The following AP3D1 variants were observed in gnomAD, a reference collection of about 807,000 sequenced individuals.
AP3D1 encodes the protein AP-3 complex subunit delta-1.
Under a neutral mutation model 147.6 loss-of-function variants are expected in AP3D1, and 51 were observed. That is an observed-to-expected ratio of 0.35 (90% CI 0.28 to 0.44). The LOEUF is 0.44. Among genes scored for constraint, AP3D1 ranks in the 20% least tolerant of loss-of-function variants. AP3D1 has a pLI of 1.00. For synonymous variants in AP3D1, 760 were observed against 663.0 expected, an observed-to-expected ratio of 1.15 and a Z score of -2.25; for missense variants, 1,421 against 1,624.2, an observed-to-expected ratio of 0.87 and a Z score of 2.15.
chr19:2,125,797 T>C (rs923504920), intron 9 of AP3D1, among the ~76,000 whole-genome samples: 5 of 151,300 alleles, frequency 3.3e-5, no homozygotes, highest in Non-Finnish European at 7.4e-5. Flanking sequence ...CTTAAAAATA[T>C]ACCATTTTTA....
rs561845986 is a variant in AP3D1, at chr19:2,161,903, C to G, written c.-103+2453G>C. On this transcript the variant is annotated intron_variant, in intron 1 of 14. Coordinates refer to the AP3D1 transcript ENST00000643010. ...GGCGCTGGTTGTAGTGACTGGAGAT[C>G]CCAGTCACTACTCCAGCCTAGGCGA... 5.3e-5 allele frequency among the ~76,000 whole-genome samples: 8 copies of G among 151,688 alleles called. No individual in the cohort carries two copies. The South Asian group carries it at 6.3e-4, about 12-fold the overall frequency.
chr19:2,111,187 A>G, intron 26 of AP3D1, 98 bp downstream of exon 26: 2 of 1,468,804 alleles, frequency 1.4e-6, no homozygotes, highest in Admixed American at 3.6e-5. Flanking sequence ...TGGGTATACC[A>G]ACATCCGGGA....
chr19:2,119,007 A>G (rs1157178312), intron 14 of AP3D1, among the ~76,000 whole-genome samples, 175 bp from the exon 15 acceptor site: 1 of 152,246 alleles, frequency 6.6e-6, no homozygotes, highest in Admixed American at 6.5e-5. Context: ...CAGGCCGTCA[A>G]CAGCCCGTAA....
chr19:2,120,406 C>A (rs983196283), intron 14 of AP3D1, among the ~76,000 whole-genome samples: 4 of 151,966 alleles, frequency 2.6e-5, no homozygotes, highest in Non-Finnish European at 5.9e-5. Flanking sequence ...AGGGGCCTGG[C>A]GCAGGCAGGC....
In AP3D1 at chr19:2,130,368, C is replaced by A. The variant is rs1267894980; in HGVS notation, c.592+40G>T. On this transcript the variant is annotated intron_variant, in intron 6 of 31. Coordinates refer to ENST00000643116, the MANE Select transcript of AP3D1 (RefSeq NM_001261826.3). Reference sequence around the variant, plus strand: ...CCTCTTCCCAGGGCACCGGCTGAGCCCCCACCCTCAACCCTGAGGCTTAAC... The same window carrying A: ...CCTCTTCCCAGGGCACCGGCTGAGCACCCACCCTCAACCCTGAGGCTTAAC... 1.9e-6 allele frequency: 3 copies of A among 1,612,640 alleles called. No homozygotes were observed. The South Asian group carries it at 3.3e-5, about 18-fold the overall frequency.
At chr19:2,148,922 G>C (rs1037414633) in intron 1 of AP3D1, among the ~76,000 whole-genome samples, 1 of 152,192 alleles carries the variant, frequency 6.6e-6, no homozygotes, top group Non-Finnish European at 1.5e-5. Context: ...TCTTTGTTCC[G>C]GGTGCAGTGG....
rs555924373 is a variant in AP3D1, at chr19:2,111,916, C to G, written c.2788-88G>C. 951 of 1,588,428 alleles carry G rather than the reference C, an allele frequency of 6.0e-4. 7 individuals carry two copies. The African/African-American group carries it at 9.4e-3, about 16-fold the overall frequency. ...TGAGGTCAGGATCACAGCAGGGCTG[C>G]TCAGGCTGAGGGTCCCACGTGCCTG... On this transcript the variant is annotated intron_variant, in intron 24 of 31. Transcript: ENST00000643116.
intron 14 of AP3D1, among the ~76,000 whole-genome samples, chr19:2,119,457 G>T (rs552763922): frequency 6.6e-6 from 1 of 152,038 alleles, no homozygotes; most frequent in Non-Finnish European, 1.5e-5. Flanking sequence ...ACTTTGGGAC[G>T]CCGAGGCGGG....
chr19:2,133,301 A>C (rs2018996654), intron 4 of AP3D1: 1 of 152,182 alleles, frequency 6.6e-6, no homozygotes, highest in Non-Finnish European at 1.5e-5. Flanking sequence ...ACTCTGCCCC[A>C]GCTCTTCACT....
Position 2,114,278 on chromosome 19 carries a change from C to T in AP3D1, c.2448G>A (p.Leu816=). ...CGGTGTTTCTGTGTTTCTGAATAGG[C>T]AGTTTCTCGCTGTCGGCTAAGGGCC... ...LDKPLADSEK[L]PIQKHRNTET... Residue 816 remains leucine, a synonymous_variant, in exon 22 of 32, where the codon CTG becomes CTA. Coordinates refer to ENST00000643116, the MANE Select transcript of AP3D1 (RefSeq NM_001261826.3). 6.2e-7 allele frequency: 1 copy of T among 1,611,674 alleles called. No individual in the cohort carries two copies. The highest frequency in any genetic ancestry group is 8.5e-7 in the Non-Finnish European group (1 of 1,179,368).
chr19:2,152,748 C>T (rs1024911681), upstream of AP3D1, among the ~76,000 whole-genome samples: 1 of 151,156 alleles, frequency 6.6e-6, no homozygotes, highest in African/African-American at 2.4e-5. Flanking sequence ...TGGTGGCATG[C>T]ACCTGTAATC....
chr19:2,146,643 A>G (rs2019364579), intron 1 of AP3D1, among the ~76,000 whole-genome samples: 1 of 150,430 alleles, frequency 6.6e-6, no homozygotes, highest in South Asian at 2.1e-4. Context: ...ACAATGTCCT[A>G]TGCACTGCAT....
Position 2,110,759 on chromosome 19 carries a change from C to A in AP3D1, c.3123G>T (p.Pro1041=). ...CGCCATCGTGGACGGAGGAGCCCTGCGGCCGGGCCATCCTGGCATTGAGTG... is the reference window on the plus strand; with the variant it reads ...CGCCATCGTGGACGGAGGAGCCCTGAGGCCGGGCCATCCTGGCATTGAGTG... ...LDSLNARMAR[P]QGSSVHDGVP... Residue 1041 remains proline, a synonymous_variant, in exon 27 of 32, where the codon CCG becomes CCT. Transcript: ENST00000643116. The A allele has an allele frequency of 2.5e-6, 4 of 1,611,544 alleles. No homozygotes were observed. Among genetic ancestry groups the A allele is most frequent in the Non-Finnish European group, 3.4e-6 (4 of 1,179,566 alleles).
At chr19:2,163,606 T>C (rs2019785206) in intron 1 of AP3D1, among the ~76,000 whole-genome samples, 1 of 152,004 alleles carries the variant, frequency 6.6e-6, no homozygotes, top group South Asian at 2.1e-4. Flanking sequence ...GATTTTTGGT[T>C]TTACTAAGCC....
At chr19:2,141,778 T>C (rs1281967924) in intron 1 of AP3D1, among the ~76,000 whole-genome samples, 3 of 151,512 alleles carry the variant, frequency 2.0e-5, no homozygotes, top group Non-Finnish European at 4.4e-5. Flanking sequence ...CTTCCTCTAT[T>C]GCACAGGCTA....
intron 9 of AP3D1, 25 bp from the exon 10 acceptor site, chr19:2,123,904 C>T (rs1468577881): frequency 6.4e-7 from 1 of 1,563,556 alleles, no homozygotes; most frequent in Non-Finnish European, 8.7e-7. Context: ...TTGGTCAGCA[C>T]CACGGTCAGC....
intron 4 of AP3D1, 32 bp from the exon 5 acceptor site, chr19:2,132,610 G>A (rs1226538882): frequency 6.3e-7 from 1 of 1,580,972 alleles, no homozygotes; most frequent in African/African-American, 1.3e-5. Context: ...CCGTGGCCAG[G>A]ATGCCCTGGG....
At chr19:2,119,584 T>G (rs2018553118) in intron 14 of AP3D1, among the ~76,000 whole-genome samples, 1 of 150,300 alleles carries the variant, frequency 6.7e-6, no homozygotes, top group Non-Finnish European at 1.5e-5. Context: ...TAGTCCCAGC[T>G]ACTTGCGAGG....
chr19:2,128,179 G>A (rs908603455), intron 8 of AP3D1, among the ~76,000 whole-genome samples: 12 of 152,144 alleles, frequency 7.9e-5, no homozygotes, highest in Non-Finnish European at 7.4e-5. Flanking sequence ...CTTGGTCTGA[G>A]GAATTAAAGT....
Sources: allele counts gnomAD v4.1 joint callset (sites outside exome capture counted in the v4.1 genomes callset), GRCh38; gene constraint gnomAD v4.1.1; transcripts MANE v1.5; gene names NCBI Gene and HGNC (gene_info 2026-07-23, HGNC 2026-07-21).